Variants in KLF7 observed in about 807,000 individuals in gnomAD.
KLF7 encodes the protein KLF transcription factor 7.
In KLF7, 2 loss-of-function variants were observed where a neutral mutation model predicts 27.3. The observed-to-expected ratio is 0.07, with a 90% CI of 0.03 to 0.23. The LOEUF (loss-of-function observed/expected upper bound fraction) is 0.23, where lower values mean the gene tolerates loss of function less well. Among genes scored for constraint, KLF7 ranks in the 10% least tolerant of loss-of-function variants. KLF7 has a pLI of 1.00. For missense variants in KLF7, 221 were observed against 394.1 expected (o/e 0.56, Z 3.72); for synonymous variants, 165 against 162.4 (o/e 1.02, Z -0.12).
chr2:207,144,205 C>T (rs944037606), intron 1 of KLF7, among the ~76,000 whole-genome samples: 1 of 150,712 alleles, frequency 6.6e-6, no homozygotes, highest in South Asian at 2.1e-4. Flanking sequence ...TGAGCAAAGG[C>T]TGGGTGGCAG....
At chr2:207,132,285 G>A (rs2077656601) in intron 1 of KLF7, among the ~76,000 whole-genome samples, 1 of 152,196 alleles carries the variant, frequency 6.6e-6, no homozygotes, top group African/African-American at 2.4e-5. Context: ...TACAACAAAT[G>A]TTAAGACTGC....
At chr2:207,166,178 G>C (rs2078702381), upstream of KLF7, 1 of 986,018 alleles carries the variant, frequency 1.0e-6, no homozygotes, top group South Asian at 4.7e-5. Flanking sequence ...CGTCCATTAG[G>C]CCGCGTGTGA....
In KLF7 at chr2:207,085,738, C is replaced by T. The variant is rs914788777; in HGVS notation, c.857+2720G>A. On this transcript the variant is annotated intron_variant, in intron 3 of 3. Coordinates refer to ENST00000309446, the MANE Select transcript of KLF7 (RefSeq NM_003709.4). ...GTATAGCTCTTCTTGTAAGAAGAAA[C>T]AACAGAAAGCGGGACAATACTTGGC... is the stretch of plus-strand genomic sequence containing the variant. Among the ~76,000 whole-genome samples the T allele has an allele frequency of 3.9e-5, 6 of 152,148 alleles. No homozygotes were observed. In the South Asian group the frequency reaches 1.2e-3, roughly 32 times the overall value.
chr2:207,133,181 G>C (rs1040558517), intron 1 of KLF7, among the ~76,000 whole-genome samples: 2 of 152,162 alleles, frequency 1.3e-5, no homozygotes, highest in African/African-American at 4.8e-5. Context: ...CCCTATTCAG[G>C]TTGGCACTCA....
At chr2:207,088,738 G>T (rs116599121) in intron 2 of KLF7, among the ~76,000 whole-genome samples, 157 bp from the exon 3 acceptor site, 64 of 151,880 alleles carry the variant, frequency 4.2e-4, no homozygotes, top group Middle Eastern at 3.4e-3. Flanking sequence ...TGTCTTTTGG[G>T]TTTTTTTTCC....
At position 207,088,514 on chromosome 2, in the gene KLF7, C is replaced by G. The variant is rs181473470; in HGVS notation, c.801G>C (p.Thr267=). The G allele has an allele frequency of 1.9e-6, 3 of 1,614,120 alleles. No homozygotes were observed. The highest frequency in any genetic ancestry group is 2.7e-5 in the African/African-American group (2 of 75,046). ...EWRFARSDEL[T]RHYRKHTGAK... ...CACCTGTGTGTTTCCTGTAGTGCCTCGTGAGCTCATCGCTTCGTGCAAAAC... is the reference window on the plus strand; with the variant it reads ...CACCTGTGTGTTTCCTGTAGTGCCTGGTGAGCTCATCGCTTCGTGCAAAAC... The change falls in exon 3 of 4, where the codon ACG becomes ACC. Residue 267 remains threonine, a synonymous_variant. Coordinates refer to ENST00000309446, the MANE Select transcript of KLF7 (RefSeq NM_003709.4).
chr2:207,113,965 AAAC>A (rs765861658), intron 2 of KLF7, among the ~76,000 whole-genome samples: 263 of 152,328 alleles, frequency 1.7e-3, no homozygotes, highest in Non-Finnish European at 2.0e-3. Context: ...TTGAGACACT[AAAC>A]AACAACAAAG....
chr2:207,106,268 A>C (rs2076880967), intron 2 of KLF7, among the ~76,000 whole-genome samples: 1 of 152,190 alleles, frequency 6.6e-6, no homozygotes, highest in South Asian at 2.1e-4. Context: ...CTAGCTACAA[A>C]ATGGAGAATG....
intron 1 of KLF7, among the ~76,000 whole-genome samples, chr2:207,140,344 T>G (rs2106056683): frequency 6.6e-6 from 1 of 152,364 alleles, no homozygotes; most frequent in Non-Finnish European, 1.5e-5. Flanking sequence ...AAAAACATTT[T>G]CTAATTTTAA....
chr2:207,165,271 T>C (rs986054489), intron 1 of KLF7, among the ~76,000 whole-genome samples, 196 bp downstream of exon 1: 9 of 152,150 alleles, frequency 5.9e-5, no homozygotes, highest in African/African-American at 2.2e-4. Context: ...AGCTCGGCAC[T>C]CTACGAGGTT....
At chr2:207,129,289 T>G (rs912441342) in intron 1 of KLF7, among the ~76,000 whole-genome samples, 1 of 152,232 alleles carries the variant, frequency 6.6e-6, no homozygotes. Flanking sequence ...ACACAAATTA[T>G]GCCTGTCTGG....
chr2:207,095,002 T>C (rs568365908), intron 2 of KLF7, among the ~76,000 whole-genome samples: 1 of 151,154 alleles, frequency 6.6e-6, no homozygotes, highest in African/African-American at 2.4e-5. Flanking sequence ...TTACAGAGCA[T>C]GCAAACATTT....
At chr2:207,134,173 TTTA>T in intron 1 of KLF7, 3 of 1,472,330 alleles carry the variant, frequency 2.0e-6, no homozygotes, top group Non-Finnish European at 2.7e-6. Context: ...TTTTTTTTTT[TTTA>T]AAGCAAACTC....
At chr2:207,166,820 C>T, upstream of KLF7, 3 of 1,015,064 alleles carry the variant, frequency 3.0e-6, no homozygotes, top group Non-Finnish European at 3.5e-6. Flanking sequence ...TGCCAGGGTG[C>T]AGAGAAGAAG....
upstream of KLF7, among the ~76,000 whole-genome samples, chr2:207,168,198 CAAGT>C (rs1215795244): frequency 6.6e-6 from 1 of 152,172 alleles, no homozygotes; most frequent in Non-Finnish European, 1.5e-5. Context: ...ACTTGAGACT[CAAGT>C]GAACTTATTT....
At chr2:207,167,088 C>A, upstream of KLF7, 1 of 1,378,984 alleles carries the variant, frequency 7.3e-7, no homozygotes, top group Non-Finnish European at 9.4e-7. Context: ...AGACGTGGGG[C>A]GCAAGCTGGA....
At chr2:207,171,278 G>A (rs2078782384), upstream of KLF7, among the ~76,000 whole-genome samples, 1 of 152,018 alleles carries the variant, frequency 6.6e-6, no homozygotes, top group Admixed American at 6.6e-5. Flanking sequence ...TTACATGAAT[G>A]AGGAGTTGCT....
chr2:207,150,984 C>T (rs2078226346), intron 1 of KLF7, among the ~76,000 whole-genome samples: 1 of 110,112 alleles, frequency 9.1e-6, no homozygotes, highest in African/African-American at 3.1e-5. Flanking sequence ...AGTGTAAGAC[C>T]TGTTCTCTTT....
intron 1 of KLF7, among the ~76,000 whole-genome samples, chr2:207,149,952 C>A (rs1407372690): frequency 1.3e-5 from 2 of 151,456 alleles, no homozygotes; most frequent in African/African-American, 4.9e-5. Flanking sequence ...TCCCCGTCTT[C>A]TTATTATCTA....
Sources: gnomAD v4.1 joint callset for allele counts (sites outside exome capture counted in the v4.1 genomes callset) on GRCh38, gnomAD v4.1.1 for gene constraint, MANE v1.5 for transcripts, NCBI Gene and HGNC (gene_info 2026-07-23, HGNC 2026-07-21) for gene names.